CCNT1: variants seen among roughly 807,000 people sequenced by gnomAD.
CCNT1 encodes cyclin T1, also known as cyclin-T1.
Under a neutral mutation model 67.3 loss-of-function variants are expected in CCNT1, and 18 were observed. That is an observed-to-expected ratio of 0.27 (90% CI 0.18 to 0.40). The LOEUF (loss-of-function observed/expected upper bound fraction) is 0.40. CCNT1 is among the 10% of genes least tolerant of loss of function. The pLI is 1.00. For missense variants in CCNT1, 744 were observed against 884.9 expected (o/e 0.84, Z 2.02); for synonymous variants, 333 against 310.3 (o/e 1.07, Z -0.77).
At chr12:48,713,437 A>C (rs1487293139) in intron 2 of CCNT1, among the ~76,000 whole-genome samples, 2 of 152,254 alleles carry the variant, frequency 1.3e-5, no homozygotes, top group East Asian at 3.8e-4. Flanking sequence ...GCTTTTGGAA[A>C]ATCTAAGTAA....
rs1940480115 is a variant in CCNT1, at chr12:48,713,068, A to G, written c.243+1375T>C. Reference sequence around the variant, plus strand: ...CTATGCATTCAATTCCAAGTCATTTATAATAATGTTAAATAGGACCATTTC... The same window carrying G: ...CTATGCATTCAATTCCAAGTCATTTGTAATAATGTTAAATAGGACCATTTC... On this transcript the variant is annotated intron_variant, in intron 2 of 8. Transcript: ENST00000261900. Among the ~76,000 whole-genome samples, 3 of 152,180 alleles carry G rather than the reference A, an allele frequency of 2.0e-5. No homozygotes were observed. In the South Asian group the frequency reaches 6.2e-4, roughly 32 times the overall value.
chr12:48,712,300 G>A (rs1014084864), intron 2 of CCNT1, among the ~76,000 whole-genome samples: 2 of 151,726 alleles, frequency 1.3e-5, no homozygotes, highest in African/African-American at 2.4e-5. Flanking sequence ...TTTTCTTTTT[G>A]AGATGGAGTT....
At chr12:48,706,877 G>C (rs1940368774) in intron 2 of CCNT1, among the ~76,000 whole-genome samples, 1 of 152,084 alleles carries the variant, frequency 6.6e-6, no homozygotes, top group Non-Finnish European at 1.5e-5. Flanking sequence ...ATTGATTTCA[G>C]ACAAGACCAT....
chr12:48,704,615 T>C (rs921980262), intron 3 of CCNT1, among the ~76,000 whole-genome samples: 9 of 152,136 alleles, frequency 5.9e-5, no homozygotes, highest in Non-Finnish European at 1.3e-4. Flanking sequence ...TCGAGACCAT[T>C]CTGGCTAACA....
Position 48,689,465 on chromosome 12 carries a change from CA to C in CCNT1, c.*3567del, listed in dbSNP as rs1940038318. ...CACTCAGTTAAAAGCTGGGTGTTAA[CA>C]AGCAGCAACTCAAGAAACTTGGGGA... On this transcript the variant is annotated 3_prime_UTR_variant, in exon 9 of 9. Coordinates refer to ENST00000261900, the MANE Select transcript of CCNT1 (RefSeq NM_001240.4). The C allele has an allele frequency of 6.6e-6, 1 of 152,142 alleles. No homozygotes were observed. The highest frequency in any genetic ancestry group is 1.5e-5 in the Non-Finnish European group (1 of 68,034). 9.4% of individuals were successfully genotyped at this position (152,142 alleles called of 1,614,324 possible). A position where few individuals can be genotyped will look rare whatever the true frequency, so the allele number is the denominator to read the frequency against.
At chr12:48,702,057 C>T (rs113559174) in intron 3 of CCNT1, among the ~76,000 whole-genome samples, 2,403 of 152,108 alleles carry the variant, frequency 0.016, 68 homozygotes, top group African/African-American at 0.054. Context: ...CCACCACGCC[C>T]GGCTAGTTTT....
intron 1 of CCNT1, among the ~76,000 whole-genome samples, chr12:48,716,311 G>C (rs1474660549): frequency 6.6e-6 from 1 of 152,250 alleles, no homozygotes; most frequent in Non-Finnish European, 1.5e-5. Context: ...TGGCGGCACG[G>C]GTGAGCGAGC....
At chr12:48,697,537 AT>A (rs528639920) in intron 6 of CCNT1, among the ~76,000 whole-genome samples, 30,464 of 102,262 alleles carry the variant, frequency 0.3, 4,064 homozygotes, top group East Asian at 0.59. Context: ...AAAAAAAAAT[AT>A]ATATATATAT....
At chr12:48,696,352 C>T (rs1205967276) in intron 6 of CCNT1, among the ~76,000 whole-genome samples, 190 bp from the exon 7 acceptor site, 1 of 150,596 alleles carries the variant, frequency 6.6e-6, no homozygotes, top group Non-Finnish European at 1.5e-5. Context: ...TATTAACCCA[C>T]CTGTTCAGGT....
chr12:48,709,746 C>G (rs1270065554), intron 2 of CCNT1, among the ~76,000 whole-genome samples: 1 of 152,086 alleles, frequency 6.6e-6, no homozygotes, highest in Non-Finnish European at 1.5e-5. Context: ...TTTATGTGCA[C>G]AGAAAAATGT....
chr12:48,716,346 C>A (rs1219486515), intron 1 of CCNT1, among the ~76,000 whole-genome samples, 169 bp downstream of exon 1: 1 of 152,238 alleles, frequency 6.6e-6, no homozygotes, highest in Non-Finnish European at 1.5e-5. Context: ...GCCTCGCTTC[C>A]CTAGCGCTAA....
Position 48,693,304 on chromosome 12 carries a change from G to A in CCNT1, c.1910C>T (p.Ser637Leu), listed in dbSNP as rs149815658. 403 of 1,614,176 alleles carry A rather than the reference G, an allele frequency of 2.5e-4. No individual in the cohort carries two copies. The African/African-American group carries it at 4.3e-3, about 17-fold the overall frequency. ...QPSCKTRVPH[S>L]KLDKGPTGAN... ...CCCAGTGGGCCCTTTATCCAGTTTC[G>A]AATGAGGGACACGAGTTTTACAGCT... is the stretch of plus-strand genomic sequence containing the variant. Residue 637 changes from serine (S) to leucine (L), a missense_variant, in exon 9 of 9, where the codon TCG (serine) becomes TTG (leucine). Transcript: ENST00000261900.
intron 2 of CCNT1, among the ~76,000 whole-genome samples, chr12:48,712,579 TAAAAAAAAAAAAAAATAAAAAAAAA>T (rs1184966295): frequency 3.3e-4 from 11 of 32,924 alleles, no homozygotes; most frequent in East Asian, 8.7e-4. Flanking sequence ...ATCTTTTCCT[TAAAAAAAAAAAAAAATAAAAAAAAA>T]AAAAAAAAAA....
At chr12:48,707,806 C>T (rs1940385936) in intron 2 of CCNT1, among the ~76,000 whole-genome samples, 1 of 152,110 alleles carries the variant, frequency 6.6e-6, no homozygotes, top group Non-Finnish European at 1.5e-5. Context: ...CGCCTGTAAT[C>T]CCAGCACTTT....
At chr12:48,706,245 G>A (rs188347419) in intron 2 of CCNT1, among the ~76,000 whole-genome samples, 117 of 152,216 alleles carry the variant, frequency 7.7e-4, no homozygotes, top group African/African-American at 2.7e-3. Flanking sequence ...TCCAGAATAC[G>A]CAAATCCATA....
chr12:48,704,294 C>T (rs976161549), intron 3 of CCNT1, among the ~76,000 whole-genome samples: 2 of 152,180 alleles, frequency 1.3e-5, no homozygotes, highest in Non-Finnish European at 2.9e-5. Flanking sequence ...GTGAGTGAAG[C>T]TTCATCTGTA....
intron 1 of CCNT1, among the ~76,000 whole-genome samples, chr12:48,716,074 C>A (rs992013685): frequency 9.2e-5 from 14 of 152,228 alleles, no homozygotes; most frequent in African/African-American, 3.1e-4. Flanking sequence ...GGCATTAATT[C>A]TAGTCCACCC....
chr12:48,696,296 G>C (rs1373030856), intron 6 of CCNT1, 134 bp from the exon 7 acceptor site: 2 of 566,514 alleles, frequency 3.5e-6, no homozygotes, highest in Non-Finnish European at 5.8e-6. Flanking sequence ...GAGTAAGAAG[G>C]GTAAGAAATA....
chr12:48,693,402 GA>G lies in CCNT1; in HGVS notation c.1811del (p.Phe604SerfsTer52). 6.2e-7 allele frequency: 1 copy of G among 1,614,230 alleles called. No homozygotes were observed. On this transcript the variant is annotated frameshift_variant, in exon 9 of 9. Transcript: ENST00000261900. LOFTEE classifies it high-confidence loss of function. ...STKSSSLNFS[F>X]PSLPTMGQMP... ...TCTGACCCATTGTAGGAAGTGAAGG[GA>G]AGGAGAAATTTAGGGAAGAGGATTT...
Sources: allele counts gnomAD v4.1 joint callset (sites outside exome capture counted in the v4.1 genomes callset), GRCh38; gene constraint gnomAD v4.1.1; transcripts MANE v1.5; gene names NCBI Gene and HGNC (gene_info 2026-07-23, HGNC 2026-07-21).